DACH2: variants seen among roughly 807,000 people sequenced by gnomAD.
DACH2 encodes dachshund homolog 2.
Under a neutral mutation model 35.8 loss-of-function variants are expected in DACH2, and 17 were observed. That is an observed-to-expected ratio of 0.48 (90% CI 0.33 to 0.71). DACH2 has a LOEUF of 0.71. Among genes scored for constraint, DACH2 ranks in the 30% least tolerant of loss-of-function variants. DACH2 has a pLI of 0.02. For missense variants in DACH2, 469 were observed against 472.7 expected, an observed-to-expected ratio of 0.99 and a Z score of 0.07; for synonymous variants, 195 against 177.3, an observed-to-expected ratio of 1.10 and a Z score of -0.79.
chrX:86,303,728 C>CTACA (rs761767367), intron 1 of DACH2, among the ~76,000 whole-genome samples: 1 of 105,983 alleles, frequency 9.4e-6, no homozygotes, highest in Non-Finnish European at 1.9e-5. Flanking sequence ...TGTGAACATA[C>CTACA]TATATATATA....
At chrX:86,505,958 T>C (rs1163589027) in intron 2 of DACH2, among the ~76,000 whole-genome samples, 1 of 111,971 alleles carries the variant, frequency 8.9e-6, no homozygotes, top group African/African-American at 3.2e-5. Flanking sequence ...ACTTCTAGAA[T>C]AGTGATGTGA....
rs755114357 is a variant in DACH2, at chrX:86,569,455, G to A, written c.640+55064G>A. ...AACCAAATTGAAATGAAAATATATC[G>A]TTTCTAAAAAAGGAGAGGATGATCA... On this transcript the variant is annotated intron_variant, in intron 3 of 11. Coordinates refer to ENST00000373125, the MANE Select transcript of DACH2 (RefSeq NM_053281.3). Among the ~76,000 whole-genome samples, 6 of 110,735 alleles carry A rather than the reference G, an allele frequency of 5.4e-5. No homozygotes were observed. In the East Asian group the frequency reaches 8.6e-4, roughly 16 times the overall value.
rs746296245 is a variant in DACH2 at position 86,318,485 on chromosome X, A to G, written c.489-58339A>G. Among the ~76,000 whole-genome samples, 106 of 111,898 alleles carry G rather than the reference A, an allele frequency of 9.5e-4. 1 individual carries two copies. The highest frequency in any genetic ancestry group is 3.1e-3 in the African/African-American group (97 of 30,849). ...TGACAAAATGTCCAGGGTGGTTACA[A>G]TCAAGAGCATGATTGACAAATTTGA... On this transcript the variant is annotated intron_variant, in intron 1 of 11. Coordinates refer to ENST00000373125, the MANE Select transcript of DACH2 (RefSeq NM_053281.3).
chrX:86,299,458 G>A (rs1187523372), intron 1 of DACH2, among the ~76,000 whole-genome samples: 1 of 111,762 alleles, frequency 8.9e-6, no homozygotes, highest in Non-Finnish European at 1.9e-5. Context: ...CAAAGTAGAT[G>A]CTCAGTACTT....
intron 2 of DACH2, among the ~76,000 whole-genome samples, chrX:86,505,731 A>G (rs1184443308): frequency 2.7e-5 from 3 of 112,035 alleles, no homozygotes; most frequent in Non-Finnish European, 5.6e-5. Flanking sequence ...CACAAACTGC[A>G]TGTTTTATTT....
intron 2 of DACH2, among the ~76,000 whole-genome samples, chrX:86,405,187 G>T (rs1482321566): frequency 1.8e-5 from 2 of 111,714 alleles, no homozygotes; most frequent in Non-Finnish European, 3.8e-5. Context: ...TTGTCTTGGT[G>T]ATTAACATTT....
chrX:86,507,580 T>C (rs1393595367), intron 2 of DACH2, among the ~76,000 whole-genome samples: 1 of 111,323 alleles, frequency 9.0e-6, no homozygotes, highest in African/African-American at 3.3e-5. Flanking sequence ...CTTGAGATGT[T>C]TCTTCTGTGG....
At chrX:86,370,713 G>A (rs1456237778) in intron 1 of DACH2, among the ~76,000 whole-genome samples, 2 of 111,669 alleles carry the variant, frequency 1.8e-5, no homozygotes, top group African/African-American at 3.2e-5. Flanking sequence ...GAATTTTAAC[G>A]TTTAAAGCTT....
chrX:86,235,514 C>T (rs1358188917), intron 1 of DACH2, among the ~76,000 whole-genome samples: 1 of 112,180 alleles, frequency 8.9e-6, no homozygotes, highest in African/African-American at 3.2e-5. Flanking sequence ...AATTAGATGA[C>T]CTCCTTCTCT....
At chrX:86,564,320 A>G (rs1381495927) in intron 3 of DACH2, among the ~76,000 whole-genome samples, 1 of 111,619 alleles carries the variant, frequency 9.0e-6, no homozygotes, top group Non-Finnish European at 1.9e-5. Context: ...ATTATTGCAA[A>G]CTGTTTACCC....
intron 1 of DACH2, among the ~76,000 whole-genome samples, chrX:86,266,692 T>C (rs1463189331): frequency 9.0e-6 from 1 of 111,565 alleles, no homozygotes; most frequent in Non-Finnish European, 1.9e-5. Context: ...ACTTTGGGCA[T>C]GTTACTTAAC....
chrX:86,645,833 G>A (rs56919229), intron 3 of DACH2, among the ~76,000 whole-genome samples: 13,818 of 110,383 alleles, frequency 0.13, 753 homozygotes, highest in East Asian at 0.32. Context: ...TTTCACTTCT[G>A]AGTGAGAGCT....
chrX:86,716,091 T>C (rs753939925), intron 6 of DACH2, among the ~76,000 whole-genome samples: 2 of 111,496 alleles, frequency 1.8e-5, no homozygotes, highest in Non-Finnish European at 3.8e-5. Flanking sequence ...GGAAGCATGC[T>C]TCCTGGAAAG....
At chrX:86,470,185 T>C (rs934410594) in intron 2 of DACH2, among the ~76,000 whole-genome samples, 2 of 111,705 alleles carry the variant, frequency 1.8e-5, no homozygotes, top group Non-Finnish European at 3.8e-5. Flanking sequence ...GCAAGAATTA[T>C]GACTTTCCTT....
chrX:86,745,815 G>T (rs760739025), intron 7 of DACH2, among the ~76,000 whole-genome samples: 6 of 111,387 alleles, frequency 5.4e-5, no homozygotes, highest in Non-Finnish European at 1.1e-4. Context: ...TCGCCAAACT[G>T]CTTTCCCCAG....
At chrX:86,609,122 G>A (rs752172839) in intron 3 of DACH2, among the ~76,000 whole-genome samples, 6 of 111,037 alleles carry the variant, frequency 5.4e-5, no homozygotes, top group African/African-American at 2.0e-4. Flanking sequence ...GCCCTTTTGA[G>A]GCTATTTTAT....
intron 1 of DACH2, among the ~76,000 whole-genome samples, chrX:86,187,696 G>C (rs147997114): frequency 1.3e-4 from 14 of 111,309 alleles, no homozygotes; most frequent in African/African-American, 4.2e-4. Flanking sequence ...AAAGCGCTGA[G>C]ATTACAGGCC....
At chrX:86,234,244 A>T (rs1016255642) in intron 1 of DACH2, among the ~76,000 whole-genome samples, 1 of 112,040 alleles carries the variant, frequency 8.9e-6, no homozygotes, top group African/African-American at 3.3e-5. Flanking sequence ...ATGAGTGGTG[A>T]CCACATCAAG....
At chrX:86,207,852 C>G (rs1363578467) in intron 1 of DACH2, among the ~76,000 whole-genome samples, 1 of 111,495 alleles carries the variant, frequency 9.0e-6, no homozygotes, top group East Asian at 2.8e-4. Flanking sequence ...AATACTTATT[C>G]ATGTTACAAG....
Sources: gnomAD v4.1 joint callset for allele counts (sites outside exome capture counted in the v4.1 genomes callset) on GRCh38, gnomAD v4.1.1 for gene constraint, MANE v1.5 for transcripts, NCBI Gene and HGNC (gene_info 2026-07-23, HGNC 2026-07-21) for gene names.